The following ZFP1 variants were observed in gnomAD, a reference collection of about 807,000 sequenced individuals.
The protein encoded by ZFP1 is zinc finger protein 1 homolog.
Under a neutral mutation model 38.5 loss-of-function variants are expected in ZFP1, and 32 were observed. The ratio of observed to expected loss-of-function variants is 0.83; its 90% CI spans 0.63 to 1.12. The LOEUF (loss-of-function observed/expected upper bound fraction) is 1.12, where lower values mean the gene tolerates loss of function less well. Ranked by LOEUF, ZFP1 falls within the 50% of genes most tolerant of loss-of-function variation. The pLI is 0.00. For synonymous variants in ZFP1, 245 were observed against 168.8 expected (o/e 1.45, Z -3.50); for missense variants, 616 against 480.8 (o/e 1.28, Z -2.63).
chr16:75,171,777 T>A lies in ZFP1; in HGVS notation c.*1443T>A, dbSNP rs2038446800. The A allele has an allele frequency of 6.6e-6, 1 of 152,224 alleles. No individual in the cohort carries two copies. The highest frequency in any genetic ancestry group is 1.5e-5 in the Non-Finnish European group (1 of 68,030). 9.4% of individuals were successfully genotyped at this position (152,224 alleles called of 1,614,324 possible). Reference sequence around the variant, plus strand: ...TGAACAAATTTATCCAGAACATCCATAGCCCAATAAGCTTTTGTCTAAGTT... The same window carrying A: ...TGAACAAATTTATCCAGAACATCCAAAGCCCAATAAGCTTTTGTCTAAGTT... On this transcript the variant is annotated 3_prime_UTR_variant, in exon 4 of 4. Transcript: ENST00000570010.
At chr16:75,165,979 C>T (rs2038056466) in intron 2 of ZFP1, among the ~76,000 whole-genome samples, 1 of 152,090 alleles carries the variant, frequency 6.6e-6, no homozygotes, top group African/African-American at 2.4e-5. Context: ...CCATTCTGGC[C>T]TGTTAAATTC....
chr16:75,135,420 T>C, the ZFP1 span, among the ~76,000 whole-genome samples: 1 of 152,178 alleles, frequency 6.6e-6, no homozygotes, highest in Admixed American at 6.6e-5. Context: ...TACTGTATTA[T>C]TCCATCCACA....
intron 2 of ZFP1, among the ~76,000 whole-genome samples, chr16:75,158,948 G>A (rs1319722086): frequency 1.4e-5 from 2 of 147,036 alleles, no homozygotes; most frequent in Non-Finnish European, 3.0e-5. Context: ...CCAGACTAGA[G>A]TGCAGTGGCT....
At chr16:75,160,978 T>G (rs939817888) in intron 2 of ZFP1, among the ~76,000 whole-genome samples, 3 of 152,174 alleles carry the variant, frequency 2.0e-5, no homozygotes, top group African/African-American at 7.2e-5. Flanking sequence ...CATGAAATTT[T>G]AGAGAGGACA....
the ZFP1 span, among the ~76,000 whole-genome samples, chr16:75,123,455 G>GTATGTATATATATATATATA: frequency 4.6e-5 from 4 of 87,294 alleles, no homozygotes; most frequent in Non-Finnish European, 8.5e-5. Flanking sequence ...GTGTGTATAT[G>GTATGTATATATATATATATA]TATATATATA....
chr16:75,160,960 A>C (rs2037742873), intron 2 of ZFP1, among the ~76,000 whole-genome samples: 1 of 151,914 alleles, frequency 6.6e-6, no homozygotes, highest in Non-Finnish European at 1.5e-5. Flanking sequence ...TTGGGGATTA[A>C]GTTTCAACAT....
intron 1 of ZFP1, among the ~76,000 whole-genome samples, chr16:75,150,869 A>C (rs2037165343): frequency 6.6e-6 from 1 of 152,104 alleles, no homozygotes; most frequent in African/African-American, 2.4e-5. Flanking sequence ...CTGTTGCCCA[A>C]GCTGGAGTGC....
At chr16:75,156,174 C>A (rs940637995) in intron 2 of ZFP1, among the ~76,000 whole-genome samples, 6 of 152,104 alleles carry the variant, frequency 3.9e-5, no homozygotes, top group African/African-American at 1.4e-4. Flanking sequence ...ACTGTTGGGG[C>A]CAGGTGTGGT....
chr16:75,170,347 G>T lies in ZFP1; in HGVS notation c.*13G>T. The T allele has an allele frequency of 1.9e-6, 3 of 1,549,718 alleles. No homozygotes were observed. Among genetic ancestry groups the T allele is most frequent in the Non-Finnish European group, 2.6e-6 (3 of 1,148,756 alleles). The stretch of plus-strand genomic sequence containing the variant: ...GGAGAAACCCTGAAACTCCAGCCAG[G>T]TCTTACTGTGGAAAACTCCTGCCAG... On this transcript the variant is annotated 3_prime_UTR_variant, in exon 4 of 4. Transcript: ENST00000570010.
chr16:75,166,469 C>T, intron 2 of ZFP1: 2 of 867,012 alleles, frequency 2.3e-6, no homozygotes, highest in Non-Finnish European at 2.8e-6. Context: ...CAAGTGATTC[C>T]CCCGCCCACC....
intron 2 of ZFP1, among the ~76,000 whole-genome samples, chr16:75,159,398 TCTCAC>T (rs2037649252): frequency 1.5e-5 from 1 of 64,536 alleles, no homozygotes; most frequent in Non-Finnish European, 3.0e-5. Context: ...TCTCTCTCTC[TCTCAC>T]TTTTCATTTT....
At chr16:75,140,628 C>T in the ZFP1 span, among the ~76,000 whole-genome samples, 2 of 152,184 alleles carry the variant, frequency 1.3e-5, no homozygotes, top group African/African-American at 4.8e-5. Flanking sequence ...CTTACGCAAG[C>T]ATTGCAGCAA....
chr16:75,163,997 G>A (rs980423535), intron 2 of ZFP1, among the ~76,000 whole-genome samples: 1 of 152,166 alleles, frequency 6.6e-6, no homozygotes, highest in Non-Finnish European at 1.5e-5. Flanking sequence ...TGTTTTGTGT[G>A]GGGTATCCAT....
intron 2 of ZFP1, among the ~76,000 whole-genome samples, chr16:75,165,876 A>G (rs1284172110): frequency 6.6e-6 from 1 of 152,026 alleles, no homozygotes; most frequent in African/African-American, 2.4e-5. Flanking sequence ...AGACCTTTTT[A>G]GCTTGTCCCA....
At chr16:75,150,454 G>C (rs1348514494) in intron 1 of ZFP1, among the ~76,000 whole-genome samples, 1 of 151,604 alleles carries the variant, frequency 6.6e-6, no homozygotes, top group Non-Finnish European at 1.5e-5. Context: ...CTCCTGACCT[G>C]GTGATCCACC....
At chr16:75,169,224 GTTC>G (rs756891640) in intron 3 of ZFP1, 26 bp from the exon 4 acceptor site, 2 of 1,571,458 alleles carry the variant, frequency 1.3e-6, no homozygotes, top group African/African-American at 1.4e-5. Flanking sequence ...CATTGACAAG[GTTC>G]TTTTCATTGT....
rs1044440503 is a variant in ZFP1, at chr16:75,171,264, A to G, written c.*930A>G. 2.0e-5 allele frequency: 3 copies of G among 152,242 alleles called. No homozygotes were observed. Among genetic ancestry groups the G allele is most frequent in the African/African-American group, 7.2e-5 (3 of 41,466 alleles). 9.4% of individuals were successfully genotyped at this position (152,242 alleles called of 1,614,324 possible). A position where few individuals can be genotyped will look rare whatever the true frequency, so the allele number is the denominator to read the frequency against. On this transcript the variant is annotated 3_prime_UTR_variant, in exon 4 of 4. Coordinates refer to ENST00000570010, the MANE Select transcript of ZFP1 (RefSeq NM_153688.4). The stretch of plus-strand genomic sequence containing the variant: ...TTAATATTTCATGAATTGTCTAGCA[A>G]AAATGGTAGGATGCTTCTGTAGTTC...
chr16:75,153,085 C>T (rs1315279925), intron 2 of ZFP1, 119 bp downstream of exon 2: 1 of 1,331,950 alleles, frequency 7.5e-7, no homozygotes, highest in Non-Finnish European at 1.0e-6. Flanking sequence ...GCAAGAATAA[C>T]TAATCAATAC....
chr16:75,154,573 G>GGT (rs2037375602), intron 2 of ZFP1, among the ~76,000 whole-genome samples: 1 of 111,246 alleles, frequency 9.0e-6, no homozygotes, highest in Non-Finnish European at 1.8e-5. Context: ...ATGAATGAGA[G>GGT]TTTTTTTTTT....
Sources: gnomAD v4.1 joint callset for allele counts (sites outside exome capture counted in the v4.1 genomes callset) on GRCh38, gnomAD v4.1.1 for gene constraint, MANE v1.5 for transcripts, NCBI Gene and HGNC (gene_info 2026-07-23, HGNC 2026-07-21) for gene names.